The following STXBP3 variants were observed in gnomAD, a reference collection of about 807,000 sequenced individuals.
The protein encoded by STXBP3 is syntaxin binding protein 3.
A neutral mutation model predicts 85.7 loss-of-function variants in STXBP3; 41 were observed. The ratio of observed to expected loss-of-function variants is 0.48; its 90% CI spans 0.37 to 0.62. The LOEUF is 0.62. STXBP3 is among the 20% of genes least tolerant of loss of function. The probability of loss-of-function intolerance (pLI) is 0.00; values close to 1 mark genes in which losing one functional copy is unlikely to be tolerated. For synonymous variants in STXBP3, 229 were observed against 231.7 expected (o/e 0.99, Z 0.10); for missense variants, 563 against 703.1 (o/e 0.80, Z 2.25).
At chr1:108,753,174 T>G (rs762755044) in intron 3 of STXBP3, 30 bp downstream of exon 3, 16 of 1,454,072 alleles carry the variant, frequency 1.1e-5, no homozygotes, top group Non-Finnish European at 1.2e-5. Flanking sequence ...TGAACACTTT[T>G]TAATTGTAAT....
chr1:108,769,323 G>A (rs995144745), intron 6 of STXBP3, among the ~76,000 whole-genome samples: 7 of 151,760 alleles, frequency 4.6e-5, no homozygotes, highest in Admixed American at 4.6e-4. Context: ...GGCAGGGGAG[G>A]CAGGCACACT....
At chr1:108,756,418 G>A (rs1662019036) in intron 3 of STXBP3, among the ~76,000 whole-genome samples, 1 of 151,950 alleles carries the variant, frequency 6.6e-6, no homozygotes, top group Non-Finnish European at 1.5e-5. Context: ...AGTAATTCAT[G>A]TAAGAAAATG....
intron 3 of STXBP3, among the ~76,000 whole-genome samples, chr1:108,755,432 A>T (rs1661998608): frequency 6.6e-6 from 1 of 151,996 alleles, no homozygotes; most frequent in African/African-American, 2.4e-5. Context: ...GGGTGACAAA[A>T]TGAGACCTTA....
chr1:108,771,173 G>C (rs1662389225), intron 6 of STXBP3, among the ~76,000 whole-genome samples: 1 of 151,192 alleles, frequency 6.6e-6, no homozygotes, highest in Non-Finnish European at 1.5e-5. Flanking sequence ...ATCTGTGTAT[G>C]AAACAAGAAT....
intron 3 of STXBP3, among the ~76,000 whole-genome samples, chr1:108,755,415 C>T (rs1259201851): frequency 6.6e-6 from 1 of 152,046 alleles, no homozygotes; most frequent in African/African-American, 2.4e-5. Context: ...CCACTACACT[C>T]CAGCCTGGGT....
At chr1:108,792,986 A>T (rs116143674) in intron 11 of STXBP3, among the ~76,000 whole-genome samples, 257 of 152,132 alleles carry the variant, frequency 1.7e-3, no homozygotes, top group African/African-American at 6.1e-3. Flanking sequence ...ACATTTAGCC[A>T]CCCAGAAGTT....
chr1:108,804,676 T>C lies in STXBP3; in HGVS notation c.1536-2725T>C, dbSNP rs181596659. On this transcript the variant is annotated intron_variant, in intron 17 of 18. Transcript: ENST00000370008. ...AGGTTTTTTCTTTTTTGTATTAATG[T>C]CTCAGTTTGGGGTTCCTCAGACCAT... is the stretch of plus-strand genomic sequence containing the variant. Among the ~76,000 whole-genome samples the C allele has an allele frequency of 3.3e-5, 5 of 152,340 alleles. No individual in the cohort carries two copies. The East Asian group carries it at 9.6e-4, about 29-fold the overall frequency.
intron 6 of STXBP3, among the ~76,000 whole-genome samples, chr1:108,763,662 A>G (rs561609907): frequency 6.6e-6 from 1 of 152,056 alleles, no homozygotes; most frequent in Non-Finnish European, 1.5e-5. Context: ...TGCAACCTCC[A>G]CTTCCCGAGT....
At chr1:108,808,166 A>T (rs1018783812) in intron 18 of STXBP3, among the ~76,000 whole-genome samples, 2 of 152,172 alleles carry the variant, frequency 1.3e-5, no homozygotes, top group Admixed American at 6.5e-5. Context: ...AAATATTTTG[A>T]ATTTTTTGTG....
At chr1:108,787,562 G>A (rs892561795) in intron 11 of STXBP3, among the ~76,000 whole-genome samples, 5 of 151,490 alleles carry the variant, frequency 3.3e-5, no homozygotes, top group Admixed American at 3.3e-4. Flanking sequence ...TTTTTTTTTA[G>A]TAGTTAATAC....
chr1:108,779,135 CAATTA>C (rs996257043), intron 8 of STXBP3, 146 bp from the exon 9 acceptor site: 7 of 764,882 alleles, frequency 9.2e-6, no homozygotes. Context: ...ATTCTTAAGA[CAATTA>C]ACCATTTGTT....
At chr1:108,803,478 G>C (rs1350318828) in intron 17 of STXBP3, among the ~76,000 whole-genome samples, 1 of 152,010 alleles carries the variant, frequency 6.6e-6, no homozygotes, top group East Asian at 1.9e-4. Flanking sequence ...TCTGTTGGTG[G>C]TAGTCTTTTT....
At chr1:108,798,262 TC>T (rs1354167650) in intron 16 of STXBP3, 25 bp downstream of exon 16, 1 of 1,553,474 alleles carries the variant, frequency 6.4e-7, no homozygotes, top group Non-Finnish European at 8.8e-7. Flanking sequence ...AATGTTTTTT[TC>T]TACCTGAGTG....
chr1:108,772,356 CTG>C (rs1489025893), intron 6 of STXBP3, among the ~76,000 whole-genome samples: 1 of 50,850 alleles, frequency 2.0e-5, no homozygotes, highest in Admixed American at 1.5e-4. Flanking sequence ...CATATGATAT[CTG>C]TATCATATAT....
rs76497937 is a variant in STXBP3 at position 108,770,186 on chromosome 1, C to T, written c.439-2479C>T. On this transcript the variant is annotated intron_variant, in intron 6 of 18. Transcript: ENST00000370008. ...TGGCACATACCTGTGGTCCTAGCTA[C>T]GTGGGAGGCTGAAATTGAGGATCGC... 1.7e-3 allele frequency among the ~76,000 whole-genome samples: 256 copies of T among 152,038 alleles called. 1 individual carries two copies. Among genetic ancestry groups the T allele is most frequent in the African/African-American group, 5.2e-3 (217 of 41,466 alleles).
At chr1:108,761,647 C>A (rs1035561672) in intron 6 of STXBP3, among the ~76,000 whole-genome samples, 2 of 151,936 alleles carry the variant, frequency 1.3e-5, no homozygotes, top group Non-Finnish European at 2.9e-5. Flanking sequence ...GAATTTTTTT[C>A]TTTTAATTTA....
intron 11 of STXBP3, among the ~76,000 whole-genome samples, chr1:108,783,879 T>C (rs1662774200): frequency 2.0e-5 from 3 of 152,208 alleles, no homozygotes. Flanking sequence ...TGGTATCTTA[T>C]TGTGGTTTTA....
At chr1:108,793,454 C>CA in intron 11 of STXBP3, 128 bp from the exon 12 acceptor site, 2 of 739,608 alleles carry the variant, frequency 2.7e-6, no homozygotes, top group Non-Finnish European at 4.2e-6. Flanking sequence ...ATTCTTCTTT[C>CA]AAAAAAATTG....
chr1:108,780,408 T>C (rs1465805986), intron 9 of STXBP3: 1 of 152,132 alleles, frequency 6.6e-6, no homozygotes, highest in African/African-American at 2.4e-5. Flanking sequence ...CTCTAAACTT[T>C]TAAGTAGACT....
Sources: allele counts gnomAD v4.1 joint callset (sites outside exome capture counted in the v4.1 genomes callset), GRCh38; gene constraint gnomAD v4.1.1; transcripts MANE v1.5; gene names NCBI Gene and HGNC (gene_info 2026-07-23, HGNC 2026-07-21).